Variants in GRIK4 observed in about 807,000 individuals in gnomAD.
GRIK4 encodes the protein glutamate receptor ionotropic, kainate 4.
A neutral mutation model predicts 104.9 loss-of-function variants in GRIK4; 40 were observed. The observed-to-expected ratio is 0.38, with a 90% CI of 0.30 to 0.50. The LOEUF is 0.50. Among genes scored for constraint, GRIK4 ranks in the 20% least tolerant of loss-of-function variants. The probability of loss-of-function intolerance (pLI) is 0.93; values close to 1 mark genes in which losing one functional copy is unlikely to be tolerated. For missense variants in GRIK4, 1,047 were observed against 1,308.1 expected, an observed-to-expected ratio of 0.80 and a Z score of 3.08; for synonymous variants, 485 against 524.9, an observed-to-expected ratio of 0.92 and a Z score of 1.04.
At chr11:120,934,061 C>T (rs1434818976) in intron 13 of GRIK4, among the ~76,000 whole-genome samples, 2 of 151,896 alleles carry the variant, frequency 1.3e-5, no homozygotes, top group South Asian at 2.1e-4. Context: ...AAAAATTAGT[C>T]GGGCATGGTG....
At chr11:120,667,610 G>T (rs938039179) in intron 3 of GRIK4, among the ~76,000 whole-genome samples, 2 of 152,262 alleles carry the variant, frequency 1.3e-5, no homozygotes, top group South Asian at 2.1e-4. Context: ...GCTCGGCTCG[G>T]TGGGTAGTGT....
chr11:120,604,868 T>C (rs1345769328), intron 1 of GRIK4, among the ~76,000 whole-genome samples: 3 of 152,176 alleles, frequency 2.0e-5, no homozygotes, highest in Admixed American at 2.0e-4. Context: ...AAGTCTGATA[T>C]ATATATGTAT....
At chr11:120,970,451 AT>A (rs1944456585) in intron 19 of GRIK4, among the ~76,000 whole-genome samples, 1 of 151,826 alleles carries the variant, frequency 6.6e-6, no homozygotes, top group African/African-American at 2.4e-5. Flanking sequence ...ACCCTATTCC[AT>A]TTGATCTCTT....
At chr11:120,742,361 A>G (rs1358185707) in intron 3 of GRIK4, among the ~76,000 whole-genome samples, 1 of 151,758 alleles carries the variant, frequency 6.6e-6, no homozygotes, top group African/African-American at 2.4e-5. Context: ...AAAAAAAAAA[A>G]AAGTGGGCAA....
At chr11:120,521,443 C>T (rs902687440) in intron 1 of GRIK4, among the ~76,000 whole-genome samples, 2 of 152,164 alleles carry the variant, frequency 1.3e-5, no homozygotes, top group Non-Finnish European at 2.9e-5. Context: ...GTGTCCTCTC[C>T]CCCAAAGAGC....
intron 1 of GRIK4, among the ~76,000 whole-genome samples, chr11:120,528,096 T>C (rs1947879386): frequency 6.6e-6 from 1 of 152,254 alleles, no homozygotes; most frequent in African/African-American, 2.4e-5. Flanking sequence ...TTTGAGTAGC[T>C]GGGACCACAG....
At chr11:120,596,825 A>G (rs1033809177) in intron 1 of GRIK4, among the ~76,000 whole-genome samples, 2 of 152,018 alleles carry the variant, frequency 1.3e-5, no homozygotes, top group African/African-American at 4.8e-5. Flanking sequence ...CCTGGGTTCA[A>G]GTGATTCTCC....
At chr11:120,964,939 C>T (rs1183321626) in intron 18 of GRIK4, among the ~76,000 whole-genome samples, 1 of 152,144 alleles carries the variant, frequency 6.6e-6, no homozygotes, top group African/African-American at 2.4e-5. Context: ...GCCAATGGGT[C>T]CTATCAGCTA....
intron 3 of GRIK4, among the ~76,000 whole-genome samples, chr11:120,697,727 G>A (rs1219374284): frequency 6.6e-6 from 1 of 152,212 alleles, no homozygotes; most frequent in Non-Finnish European, 1.5e-5. Context: ...CTTTTATGAA[G>A]GCATGATCCG....
At chr11:120,919,397 A>G (rs1471367654) in intron 13 of GRIK4, among the ~76,000 whole-genome samples, 2 of 152,162 alleles carry the variant, frequency 1.3e-5, no homozygotes, top group East Asian at 1.9e-4. Context: ...GATGAGTAAT[A>G]TTAGATCTTT....
At chr11:120,827,400 TAA>T in intron 6 of GRIK4, among the ~76,000 whole-genome samples, 1 of 152,262 alleles carries the variant, frequency 6.6e-6, no homozygotes, top group South Asian at 2.1e-4. Flanking sequence ...TGAGCAAGGC[TAA>T]TAGGTTCCCT....
chr11:120,581,964 G>A (rs1278099511), intron 1 of GRIK4, among the ~76,000 whole-genome samples: 4 of 151,936 alleles, frequency 2.6e-5, no homozygotes, highest in East Asian at 3.9e-4. Context: ...CCACCACCAC[G>A]CCCGGCTAAC....
Position 120,819,955 on chromosome 11 carries a change from T to C in GRIK4, c.511+35T>C. ...CCCAGGCTGGCTCTGCCCCAGACAG[T>C]CCAGTCTTGTTGATTTTGCCCTGAT... is the stretch of plus-strand genomic sequence containing the variant. On this transcript the variant is annotated intron_variant, in intron 6 of 20. Transcript: ENST00000527524. This position sits in a 1 kb window ranked among gnomAD's most constrained non-coding sequence, Gnocchi z 4.3. 1.2e-6 allele frequency: 2 copies of C among 1,602,464 alleles called. No homozygotes were observed. The highest frequency in any genetic ancestry group is 1.7e-6 in the Non-Finnish European group (2 of 1,172,156).
chr11:120,920,900 A>T (rs558207239), intron 13 of GRIK4, among the ~76,000 whole-genome samples: 1 of 152,258 alleles, frequency 6.6e-6, no homozygotes, highest in African/African-American at 2.4e-5. Flanking sequence ...TCCAGAGTCT[A>T]CATCTCTGCA....
intron 1 of GRIK4, among the ~76,000 whole-genome samples, chr11:120,607,202 G>A (rs749181023): frequency 6.6e-6 from 1 of 152,218 alleles, no homozygotes; most frequent in Non-Finnish European, 1.5e-5. Context: ...TGGACTGCAT[G>A]GTGGTGACCG....
chr11:120,762,134 T>C (rs1591880414), intron 3 of GRIK4, among the ~76,000 whole-genome samples: 1 of 152,324 alleles, frequency 6.6e-6, no homozygotes, highest in African/African-American at 2.4e-5. Context: ...TGGTTTGTAG[T>C]TCTCCTTGAA....
chr11:120,556,380 C>G (rs574057478), intron 1 of GRIK4, among the ~76,000 whole-genome samples: 2 of 152,202 alleles, frequency 1.3e-5, no homozygotes, highest in African/African-American at 2.4e-5. Context: ...TCCACTCCCC[C>G]AGTCTGTTCT....
intron 3 of GRIK4, among the ~76,000 whole-genome samples, chr11:120,766,223 C>G (rs1454975479): frequency 6.6e-6 from 1 of 152,218 alleles, no homozygotes; most frequent in African/African-American, 2.4e-5. Flanking sequence ...CCACCCAGTC[C>G]AAATTTCCCA....
At chr11:120,652,871 G>A (rs576392541) in intron 1 of GRIK4, among the ~76,000 whole-genome samples, 92 of 152,262 alleles carry the variant, frequency 6.0e-4, no homozygotes, top group African/African-American at 1.9e-3. Flanking sequence ...TGCACAACTG[G>A]GCCGATGGAG....
Sources: allele counts gnomAD v4.1 joint callset (sites outside exome capture counted in the v4.1 genomes callset), GRCh38; gene constraint gnomAD v4.1.1; non-coding constraint Gnocchi (gnomAD v3.1); transcripts MANE v1.5; gene names NCBI Gene and HGNC (gene_info 2026-07-23, HGNC 2026-07-21).